L2HGDH: variants seen among roughly 807,000 people sequenced by gnomAD.
The protein encoded by L2HGDH is L-2-hydroxyglutarate dehydrogenase.
L2HGDH carries 34 observed loss-of-function variants against 51.5 expected under a neutral mutation model. That is an observed-to-expected ratio of 0.66 (90% CI 0.50 to 0.88). The LOEUF is 0.88. Among genes scored for constraint, L2HGDH ranks in the 40% least tolerant of loss-of-function variants. L2HGDH has a pLI of 0.00. For missense variants in L2HGDH, 558 were observed against 571.9 expected (o/e 0.98, Z 0.25); for synonymous variants, 198 against 197.9 (o/e 1.00, Z -0.01).
chr14:50,252,427 C>T (rs1470277932), intron 9 of L2HGDH, among the ~76,000 whole-genome samples: 1 of 151,768 alleles, frequency 6.6e-6, no homozygotes, highest in Non-Finnish European at 1.5e-5. Flanking sequence ...CCTTACTTAT[C>T]AATAATAACA....
At chr14:50,256,558 A>T (rs1172350606) in intron 9 of L2HGDH, among the ~76,000 whole-genome samples, 1 of 151,990 alleles carries the variant, frequency 6.6e-6, no homozygotes, top group Non-Finnish European at 1.5e-5. Context: ...TCTAGCACAT[A>T]GATTTTTTTA....
In L2HGDH at chr14:50,303,030, G is replaced by A; in HGVS notation, c.141-13C>T. The A allele has an allele frequency of 6.5e-7, 1 of 1,529,622 alleles. No homozygotes were observed. Among genetic ancestry groups the A allele is most frequent in the African/African-American group, 1.4e-5 (1 of 73,290 alleles). 94.8% of individuals were successfully genotyped at this position (1,529,622 alleles called of 1,614,324 possible). On this transcript the variant is annotated splice_polypyrimidine_tract_variant and intron_variant, in intron 1 of 9. Coordinates refer to ENST00000267436, the MANE Select transcript of L2HGDH (RefSeq NM_024884.3). ...TATATCAAATGAGCTTCAAAAGAAA[G>A]TCATCTTTAAAGTAATTCATATTTA...
chr14:50,312,154 C>G lies in L2HGDH; in HGVS notation c.-4G>C. 1 of 1,609,636 alleles carries G rather than the reference C, an allele frequency of 6.2e-7. No individual in the cohort carries two copies. Among genetic ancestry groups the G allele is most frequent in the Non-Finnish European group, 8.5e-7 (1 of 1,179,218 alleles). On this transcript the variant is annotated 5_prime_UTR_variant, in exon 1 of 10. Coordinates refer to ENST00000267436, the MANE Select transcript of L2HGDH (RefSeq NM_024884.3). ...AATAACGCAGCGCTGGCACCATCCC[C>G]TACGCACGCTCCCCTCCCTCAGCGC...
chr14:50,278,509 A>G lies in L2HGDH; in HGVS notation c.738+11T>C. On this transcript the variant is annotated intron_variant, in intron 6 of 9. Transcript: ENST00000267436. ...AGAAAGTAGCCAGCAGTTTTGCTTA[A>G]GAATCTTTACCTTTGTATTCTTTAT... 1 of 1,480,174 alleles carries G rather than the reference A, an allele frequency of 6.8e-7. No individual in the cohort carries two copies. The highest frequency in any genetic ancestry group is 9.4e-7 in the Non-Finnish European group (1 of 1,064,554). The allele number at this position is 1,480,174 out of a possible 1,614,324, so 91.7% of individuals were successfully genotyped here. A position where few individuals can be genotyped will look rare whatever the true frequency, so the allele number is the denominator to read the frequency against.
At chr14:50,249,317 A>G (rs1595059611) in intron 9 of L2HGDH, among the ~76,000 whole-genome samples, 1 of 152,172 alleles carries the variant, frequency 6.6e-6, no homozygotes, top group East Asian at 1.9e-4. Context: ...TGATCTAGGG[A>G]GATACCAGCC....
intron 4 of L2HGDH, among the ~76,000 whole-genome samples, chr14:50,290,622 C>T (rs748573315): frequency 1.4e-4 from 22 of 152,108 alleles, no homozygotes; most frequent in Non-Finnish European, 2.2e-4. Flanking sequence ...TGAATATTTG[C>T]GGTTGTATTT....
intron 1 of L2HGDH, among the ~76,000 whole-genome samples, chr14:50,311,785 A>C (rs148231540): frequency 6.6e-6 from 1 of 152,218 alleles, no homozygotes; most frequent in African/African-American, 2.4e-5. Context: ...TCAAAGCCAG[A>C]GCTACTCCCG....
intron 4 of L2HGDH, chr14:50,293,249 G>T (rs760569033): frequency 1.4e-6 from 1 of 702,244 alleles, no homozygotes; most frequent in African/African-American, 1.7e-5. Flanking sequence ...GAAAATAATG[G>T]TTTTTTGATA....
At position 50,246,183 on chromosome 14, in the gene L2HGDH, A is replaced by G. The variant is rs1369119587; in HGVS notation, c.*875T>C. ...AGATAAAACTGTACCTTGCCTCTTT[A>G]TTCGCAAAGTAAATAAGCATGGAAT... On this transcript the variant is annotated 3_prime_UTR_variant, in exon 10 of 10. Coordinates refer to ENST00000267436, the MANE Select transcript of L2HGDH (RefSeq NM_024884.3). The G allele has an allele frequency of 6.6e-6, 1 of 150,860 alleles. No homozygotes were observed. Among genetic ancestry groups the G allele is most frequent in the Non-Finnish European group, 1.5e-5 (1 of 67,850 alleles). The allele number at this position is 150,860 out of a possible 1,614,324, so 9.3% of individuals were successfully genotyped here. A position where few individuals can be genotyped will look rare whatever the true frequency, so the allele number is the denominator to read the frequency against.
chr14:50,280,783 G>A (rs1040379047), intron 5 of L2HGDH, among the ~76,000 whole-genome samples: 2 of 151,830 alleles, frequency 1.3e-5, no homozygotes, highest in East Asian at 1.9e-4. Flanking sequence ...CAAAGTGCTC[G>A]GATTACAGGC....
chr14:50,259,366 GTTTT>G (rs34041934), intron 9 of L2HGDH, among the ~76,000 whole-genome samples: 4 of 130,696 alleles, frequency 3.1e-5, no homozygotes, highest in African/African-American at 1.1e-4. Context: ...TTCTTTTTCG[GTTTT>G]TTTTTTTTTT....
intron 6 of L2HGDH, among the ~76,000 whole-genome samples, chr14:50,278,037 A>T (rs1890067957): frequency 6.6e-6 from 1 of 152,130 alleles, no homozygotes; most frequent in South Asian, 2.1e-4. Flanking sequence ...TAAATCCTAT[A>T]GCACTCATTA....
At position 50,298,723 on chromosome 14, in the gene L2HGDH, C is replaced by T. The variant is rs373910792; in HGVS notation, c.408+3294G>A. 2.8e-4 allele frequency among the ~76,000 whole-genome samples: 42 copies of T among 152,090 alleles called. No individual in the cohort carries two copies. The East Asian group carries it at 5.6e-3, about 20-fold the overall frequency. ...AACAAACAAGCAAACAAAACCAATA[C>T]GCTCCTAAATGACCAGTGGGCCAAT... is the stretch of plus-strand genomic sequence containing the variant. On this transcript the variant is annotated intron_variant, in intron 3 of 9. Transcript: ENST00000267436.
intron 3 of L2HGDH, among the ~76,000 whole-genome samples, chr14:50,297,655 C>T (rs1260900631): frequency 6.6e-6 from 1 of 152,020 alleles, no homozygotes; most frequent in Non-Finnish European, 1.5e-5. Context: ...CAAGGATAGA[C>T]CAATATGTTG....
chr14:50,284,125 AGAG>A (rs1404872353), intron 4 of L2HGDH, 92 bp from the exon 5 acceptor site: 9 of 1,286,464 alleles, frequency 7.0e-6, no homozygotes, highest in Non-Finnish European at 8.7e-6. Context: ...TTTGTCCTTT[AGAG>A]GAGTTGATTT....
At chr14:50,305,886 T>A (rs567732482) in intron 1 of L2HGDH, among the ~76,000 whole-genome samples, 1 of 152,362 alleles carries the variant, frequency 6.6e-6, no homozygotes, top group South Asian at 2.1e-4. Context: ...CATCTCTGGA[T>A]CACTTATACT....
chr14:50,284,892 C>T (rs1233840930), intron 4 of L2HGDH, among the ~76,000 whole-genome samples: 1 of 152,218 alleles, frequency 6.6e-6, no homozygotes, highest in Non-Finnish European at 1.5e-5. Flanking sequence ...GTAAAGATCT[C>T]ACTCTTGTAT....
intron 5 of L2HGDH, among the ~76,000 whole-genome samples, chr14:50,281,992 C>T (rs900824500): frequency 3.3e-5 from 5 of 152,138 alleles, no homozygotes; most frequent in Non-Finnish European, 7.4e-5. Flanking sequence ...AGGCGTGAGC[C>T]ACCATGCCCA....
rs573890612 is a variant in L2HGDH at position 50,284,728 on chromosome 14, A to C, written c.541-695T>G. Among the ~76,000 whole-genome samples, 269 of 152,312 alleles carry C rather than the reference A, an allele frequency of 1.8e-3. 1 individual carries two copies. The highest frequency in any genetic ancestry group is 3.7e-3 in the Admixed American group (56 of 15,286). ...TCTGTTGCCTTTTTTTGTATATATC[A>C]GTTCTCCCAATCAATTTCCCCAAGA... On this transcript the variant is annotated intron_variant, in intron 4 of 9. Coordinates refer to ENST00000267436, the MANE Select transcript of L2HGDH (RefSeq NM_024884.3).
Sources: gnomAD v4.1 joint callset for allele counts (sites outside exome capture counted in the v4.1 genomes callset) on GRCh38, gnomAD v4.1.1 for gene constraint, MANE v1.5 for transcripts, NCBI Gene and HGNC (gene_info 2026-07-23, HGNC 2026-07-21) for gene names.